The following DMXL2 variants were observed in gnomAD, a reference collection of about 807,000 sequenced individuals.
The protein encoded by DMXL2 is Dmx like 2, also known as dmX-like protein 2.
Under a neutral mutation model 331.1 loss-of-function variants are expected in DMXL2, and 103 were observed. The ratio of observed to expected loss-of-function variants is 0.31; its 90% CI spans 0.27 to 0.37. The LOEUF (loss-of-function observed/expected upper bound fraction) is 0.37. DMXL2 is among the 10% of genes least tolerant of loss of function. DMXL2 has a pLI of 1.00. For synonymous variants in DMXL2, 1,281 were observed against 1,252.1 expected (o/e 1.02, Z -0.49); for missense variants, 3,171 against 3,642.9 (o/e 0.87, Z 3.33).
rs920435647 is a variant in DMXL2 at position 51,466,242 on chromosome 15, C to T, written c.7462G>A (p.Asp2488Asn). The part of the protein sequence containing the change: ...SDESIHSDEE[D>N]DAFFSDTQIQ... ...TGTGTATCTGAAAAAAAGGCATCAT[C>T]TTCTTCATCACTATGAATGCTTTCA... The change falls in exon 30 of 44, where the codon GAT becomes AAT. Residue 2488 changes from aspartate (D) to asparagine (N), a missense_variant. By Grantham distance (23) the Asp-to-Asn change is conservative. Coordinates refer to ENST00000560891, the MANE Select transcript of DMXL2 (RefSeq NM_001378457.1). 3 of 1,577,348 alleles carry T rather than the reference C, an allele frequency of 1.9e-6. No homozygotes were observed. The highest frequency in any genetic ancestry group is 2.6e-6 in the Non-Finnish European group (3 of 1,164,906).
chr15:51,485,854 G>C (rs1478359442), intron 23 of DMXL2, among the ~76,000 whole-genome samples: 3 of 152,062 alleles, frequency 2.0e-5, no homozygotes, highest in African/African-American at 4.8e-5. Context: ...AAGAGCTACA[G>C]AATGTGGCAA....
intron 24 of DMXL2, among the ~76,000 whole-genome samples, 169 bp from the exon 25 acceptor site, chr15:51,480,308 T>C (rs925884516): frequency 5.3e-5 from 8 of 152,208 alleles, no homozygotes; most frequent in Non-Finnish European, 1.2e-4. Context: ...TAGATGTAGA[T>C]GGTATATAGA....
intron 29 of DMXL2, among the ~76,000 whole-genome samples, chr15:51,469,240 T>C (rs552389712): frequency 6.6e-6 from 1 of 152,210 alleles, no homozygotes; most frequent in Admixed American, 6.5e-5. Context: ...GAATGAAATT[T>C]CATGATGTTT....
intron 33 of DMXL2, chr15:51,460,543 A>G (rs904595693): frequency 3.7e-5 from 6 of 161,118 alleles, no homozygotes; most frequent in Non-Finnish European, 7.5e-5. Flanking sequence ...TAATATCTTC[A>G]GTGAATAAAA....
At chr15:51,453,827 A>G (rs183783275) in intron 40 of DMXL2, among the ~76,000 whole-genome samples, 186 bp from the exon 41 acceptor site, 76 of 152,360 alleles carry the variant, frequency 5.0e-4, no homozygotes, top group Middle Eastern at 3.4e-3. Context: ...TTATTTGGCT[A>G]CTGTCCAATA....
chr15:51,491,792 T>C, intron 19 of DMXL2, 45 bp from the exon 20 acceptor site: 1 of 1,514,862 alleles, frequency 6.6e-7, no homozygotes. Context: ...CTGTATCAAA[T>C]AAGAAGAAAA....
chr15:51,481,696 C>T (rs188535990), intron 23 of DMXL2, 73 bp from the exon 24 acceptor site: 119 of 1,372,860 alleles, frequency 8.7e-5, no homozygotes, highest in African/African-American at 3.6e-4. Context: ...CAATAAAATA[C>T]GTCAGCATTT....
intron 1 of DMXL2, among the ~76,000 whole-genome samples, chr15:51,612,315 T>C (rs2054026100): frequency 6.6e-6 from 1 of 152,244 alleles, no homozygotes; most frequent in African/African-American, 2.4e-5. Context: ...TATAGTTCAA[T>C]TATTCCATAA....
chr15:51,456,282 T>TA (rs777131630), intron 38 of DMXL2, 27 bp downstream of exon 38: 1 of 1,595,918 alleles, frequency 6.3e-7, no homozygotes, highest in Non-Finnish European at 8.5e-7. Flanking sequence ...TGAGGACACT[T>TA]ACAATTATTA....
chr15:51,529,657 C>T (rs1264623395), intron 13 of DMXL2, among the ~76,000 whole-genome samples: 4 of 152,112 alleles, frequency 2.6e-5, no homozygotes, highest in Admixed American at 6.5e-5. Flanking sequence ...AATGGTTTTG[C>T]TGCTGAATGC....
intron 15 of DMXL2, 34 bp downstream of exon 15, chr15:51,514,408 A>T (rs746153481): frequency 1.2e-5 from 14 of 1,214,556 alleles, no homozygotes; most frequent in Non-Finnish European, 1.6e-5. Flanking sequence ...TTTAGCATGA[A>T]GGTAAACAAA....
intron 9 of DMXL2, among the ~76,000 whole-genome samples, chr15:51,541,503 C>T (rs1315838208): frequency 3.3e-5 from 5 of 152,050 alleles, no homozygotes; most frequent in Non-Finnish European, 5.9e-5. Flanking sequence ...ATAGCTAATA[C>T]GGGGCCAGTG....
chr15:51,481,303 G>A lies in DMXL2; in HGVS notation c.5803C>T (p.Pro1935Ser), dbSNP rs368230999. 4 of 1,613,972 alleles carry A rather than the reference G, an allele frequency of 2.5e-6. No homozygotes were observed. Among genetic ancestry groups the A allele is most frequent in the Non-Finnish European group, 3.4e-6 (4 of 1,179,994 alleles). Residue 1935 changes from proline to serine, a missense_variant, in exon 24 of 44, where the codon CCT becomes TCT. Transcript: ENST00000560891. Reference sequence around the variant, plus strand: ...TCACTCAGAGCTTTTGAATGTGAAGGTACATCATCCATCCTGTGAGAAATG... The same window carrying A: ...TCACTCAGAGCTTTTGAATGTGAAGATACATCATCCATCCTGTGAGAAATG... ...DFISHRMDDV[P>S]SHSKALSDGN...
rs149788178 is a variant in DMXL2 at position 51,621,317 on chromosome 15, C to T, written c.87+1142G>A. Among the ~76,000 whole-genome samples the T allele has an allele frequency of 2.6e-4, 40 of 152,328 alleles. No individual in the cohort carries two copies. The East Asian group carries it at 6.9e-3, about 26-fold the overall frequency. On this transcript the variant is annotated intron_variant, in intron 1 of 43. Coordinates refer to ENST00000560891, the MANE Select transcript of DMXL2 (RefSeq NM_001378457.1). ...AATTCTGTTCCAGAATGCACTGCTACATAATGATTCTGCAGTTTTGCTGAA... is the reference window on the plus strand; with the variant it reads ...AATTCTGTTCCAGAATGCACTGCTATATAATGATTCTGCAGTTTTGCTGAA...
At chr15:51,504,931 A>C (rs2043947341) in intron 16 of DMXL2, among the ~76,000 whole-genome samples, 1 of 152,248 alleles carries the variant, frequency 6.6e-6, no homozygotes, top group South Asian at 2.1e-4. Context: ...GCAGGAAAAA[A>C]AGCAAAGACT....
Position 51,605,748 on chromosome 15 carries a change from T to C in DMXL2, c.87+16711A>G, listed in dbSNP as rs1454102964. ...TTAGTAGAGACGGGGTTTCACCTTG[T>C]TAGCCAGGATGGTCTCGATCTCCTG... On this transcript the variant is annotated intron_variant, in intron 1 of 43. Transcript: ENST00000560891. Among the ~76,000 whole-genome samples the C allele has an allele frequency of 3.2e-5, 2 of 63,026 alleles. 1 individual carries two copies. The highest frequency in any genetic ancestry group is 7.8e-5 in the Non-Finnish European group (2 of 25,798). The allele number at this position is 63,026 out of a possible 152,430, so 41.3% of individuals were successfully genotyped here.
chr15:51,499,015 G>T lies in DMXL2; in HGVS notation c.4209C>A (p.Gly1403=). ...CGGTGACTGTTTCCTTTGCTGTACTGCCACTTACACTAATAGTTCGAGAGA... is the reference window on the plus strand; with the variant it reads ...CGGTGACTGTTTCCTTTGCTGTACTTCCACTTACACTAATAGTTCGAGAGA... ...RHLSRTISVS[G]STAKETVTVG... is the part of the protein sequence containing the mutation. Residue 1403 remains glycine, a synonymous_variant, in exon 18 of 44, where the codon GGC becomes GGA. Transcript: ENST00000560891. 6.2e-7 allele frequency: 1 copy of T among 1,613,902 alleles called. No homozygotes were observed.
At chr15:51,456,224 G>T (rs1448618286) in intron 38 of DMXL2, 31 bp from the exon 39 acceptor site, 10 of 1,603,604 alleles carry the variant, frequency 6.2e-6, no homozygotes, top group Non-Finnish European at 7.7e-6. Flanking sequence ...CAGGAAATAA[G>T]AAATTAAAGA....
rs557244277 is a variant in DMXL2 at position 51,569,385 on chromosome 15, C to T, written c.214-827G>A. On this transcript the variant is annotated intron_variant, in intron 2 of 43. Transcript: ENST00000560891. Reference sequence around the variant, plus strand: ...GAGACAGAGCACGTGGGGGAAGGGGCGGCTGCAGGCACAGCTTCAGCAGAC... The same window carrying T: ...GAGACAGAGCACGTGGGGGAAGGGGTGGCTGCAGGCACAGCTTCAGCAGAC... Among the ~76,000 whole-genome samples the T allele has an allele frequency of 5.3e-5, 8 of 152,206 alleles. No homozygotes were observed. In the South Asian group the frequency reaches 6.2e-4, roughly 12 times the overall value.
Sources: allele counts gnomAD v4.1 joint callset (sites outside exome capture counted in the v4.1 genomes callset), GRCh38; gene constraint gnomAD v4.1.1; transcripts MANE v1.5; gene names NCBI Gene and HGNC (gene_info 2026-07-23, HGNC 2026-07-21).